Variants in RADIL observed in about 807,000 individuals in gnomAD.
RADIL encodes Rap associating with DIL domain.
Under a neutral mutation model 97.6 loss-of-function variants are expected in RADIL, and 99 were observed. The ratio of observed to expected loss-of-function variants is 1.01; its 90% CI spans 0.86 to 1.20. The LOEUF (loss-of-function observed/expected upper bound fraction) is 1.20, where lower values mean the gene tolerates loss of function less well. RADIL is among the 50% of genes most tolerant of loss of function. The pLI is 0.00. For missense variants in RADIL, 1,765 were observed against 1,498.9 expected (o/e 1.18, Z -2.93); for synonymous variants, 803 against 691.8 (o/e 1.16, Z -2.52).
At chr7:4,868,915 T>C (rs1408266030) in intron 2 of RADIL, among the ~76,000 whole-genome samples, 1 of 152,050 alleles carries the variant, frequency 6.6e-6, no homozygotes, top group Non-Finnish European at 1.5e-5. Context: ...TCATTTGAGG[T>C]CAGGAGTTCG....
chr7:4,798,395 T>C lies in RADIL; in HGVS notation c.*983A>G, dbSNP rs1264001765. The C allele has an allele frequency of 1.3e-5, 2 of 152,228 alleles. No homozygotes were observed. Among genetic ancestry groups the C allele is most frequent in the African/African-American group, 4.8e-5 (2 of 41,470 alleles). 9.4% of individuals were successfully genotyped at this position (152,228 alleles called of 1,614,324 possible). A position where few individuals can be genotyped will look rare whatever the true frequency, so the allele number is the denominator to read the frequency against. On this transcript the variant is annotated 3_prime_UTR_variant, in exon 15 of 15. Transcript: ENST00000399583. ...CAGTGAGAGGTGCATCTGCAACTGA[T>C]GCCGGGACCCTCTTCCCCAGGGTTT...
At chr7:4,866,931 G>A (rs1784144536) in intron 2 of RADIL, among the ~76,000 whole-genome samples, 1 of 152,158 alleles carries the variant, frequency 6.6e-6, no homozygotes, top group Admixed American at 6.5e-5. Context: ...AGAATGGATT[G>A]GTTTCCAAGA....
Position 4,799,161 on chromosome 7 carries a change from TA to T in RADIL, c.*216del. On this transcript the variant is annotated 3_prime_UTR_variant, in exon 15 of 15. Transcript: ENST00000399583. ...ACTTCTCCATTGAAGTCTTTAAACA[TA>T]AAAGCTCTGTAACAAACATCACAAT... 1 of 575,746 alleles carries T rather than the reference TA, an allele frequency of 1.7e-6. No homozygotes were observed. The highest frequency in any genetic ancestry group is 3.1e-6 in the Non-Finnish European group (1 of 321,356). 35.7% of individuals were successfully genotyped at this position (575,746 alleles called of 1,614,324 possible).
rs541456140 is a variant in RADIL, at chr7:4,828,871, G to A, written c.1454+3270C>T. 4.6e-5 allele frequency among the ~76,000 whole-genome samples: 7 copies of A among 151,452 alleles called. No homozygotes were observed. The South Asian group carries it at 8.4e-4, about 18-fold the overall frequency. On this transcript the variant is annotated intron_variant, in intron 5 of 14. Transcript: ENST00000399583. Reference sequence around the variant, plus strand: ...GGAGGGCCCGGGCCTTCCCGTCAACGAGGAAGCTGGGTCCACCCAGAGCTG... The same window carrying A: ...GGAGGGCCCGGGCCTTCCCGTCAACAAGGAAGCTGGGTCCACCCAGAGCTG...
rs1282269720 is a variant in RADIL, at chr7:4,879,624, G to A, written c.-64-1421C>T. ...AACACCGCAGCAGCCAACTGTCACT[G>A]TCCAGGCTTGACTCACTCGTCACGC... is the stretch of plus-strand genomic sequence containing the variant. On this transcript the variant is annotated intron_variant, in intron 1 of 14. Transcript: ENST00000399583. The surrounding 1 kb of genome is among the most constrained non-coding windows in gnomAD (Gnocchi z 4.1). Among the ~76,000 whole-genome samples the A allele has an allele frequency of 6.6e-6, 1 of 152,204 alleles. No homozygotes were observed. The highest frequency in any genetic ancestry group is 2.4e-5 in the African/African-American group (1 of 41,452).
chr7:4,857,159 C>T (rs541983161), intron 2 of RADIL, among the ~76,000 whole-genome samples: 1 of 152,324 alleles, frequency 6.6e-6, no homozygotes, highest in South Asian at 2.1e-4. Context: ...TTATTAGGTG[C>T]AGACAAGTTT....
At chr7:4,876,030 A>C (rs956048783) in intron 2 of RADIL, among the ~76,000 whole-genome samples, 3 of 152,014 alleles carry the variant, frequency 2.0e-5, no homozygotes, top group African/African-American at 7.2e-5. Context: ...ACAGGGTCTC[A>C]CTCTGTTGCC....
At chr7:4,838,924 C>T (rs1048849502) in intron 2 of RADIL, among the ~76,000 whole-genome samples, 2 of 152,218 alleles carry the variant, frequency 1.3e-5, no homozygotes, top group African/African-American at 2.4e-5. Flanking sequence ...CAGCAGGACC[C>T]GTGCACTCGT....
rs117943885 is a variant in RADIL at position 4,801,983 on chromosome 7, C to T, written c.2512G>A (p.Val838Met). Residue 838 changes from valine (V) to methionine (M), a missense_variant, in exon 12 of 15, where the codon GTG becomes ATG. Physicochemically the swap from Val to Met is conservative, Grantham distance 21. Transcript: ENST00000399583. ...GCCTCCAGGTGCCCGTCAAGGACCA[C>T]GTGGTGCATACCCTAGGGAGAGGAA... ...QPVCPEGMHH[V>M]VLDGHLEAPS... The T allele has an allele frequency of 0.021, 31,781 of 1,538,020 alleles. 429 individuals carry two copies. Among genetic ancestry groups the T allele is most frequent in the Middle Eastern group, 0.047 (244 of 5,240 alleles).
In RADIL at chr7:4,809,455, G is replaced by C. The variant is rs924997973; in HGVS notation, c.2140-3739C>G. On this transcript the variant is annotated intron_variant, in intron 9 of 14. Transcript: ENST00000399583. The stretch of plus-strand genomic sequence containing the variant: ...GAAACCACACATCTGACACGCACAA[G>C]CCAACGAATTTCCCCCGAGGAACAC... 5.1e-6 allele frequency: 5 copies of C among 985,288 alleles called. No homozygotes were observed. The Admixed American group carries it at 1.8e-4, about 36-fold the overall frequency. The allele number at this position is 985,288 out of a possible 1,614,324, so 61.0% of individuals were successfully genotyped here.
At chr7:4,836,809 G>A (rs954975285) in intron 2 of RADIL, among the ~76,000 whole-genome samples, 6 of 152,064 alleles carry the variant, frequency 3.9e-5, no homozygotes, top group African/African-American at 9.7e-5. Context: ...GTGGTGGTGC[G>A]CATCTGTAAT....
intron 5 of RADIL, among the ~76,000 whole-genome samples, chr7:4,823,292 C>G (rs1010683366): frequency 6.8e-6 from 1 of 147,424 alleles, no homozygotes; most frequent in Non-Finnish European, 1.5e-5. Context: ...GCCGTCTCTA[C>G]TAAAAATACA....
At chr7:4,881,247 C>G (rs1784479087) in intron 1 of RADIL, among the ~76,000 whole-genome samples, 1 of 146,080 alleles carries the variant, frequency 6.8e-6, no homozygotes, top group Non-Finnish European at 1.5e-5. Flanking sequence ...AACCCTTTTT[C>G]TACTAAAAAT....
chr7:4,834,274 G>A lies in RADIL; in HGVS notation c.1416+333C>T, dbSNP rs920033486. Among the ~76,000 whole-genome samples the A allele has an allele frequency of 6.6e-6, 1 of 152,132 alleles. No individual in the cohort carries two copies. The highest frequency in any genetic ancestry group is 1.5e-5 in the Non-Finnish European group (1 of 68,004). On this transcript the variant is annotated intron_variant, in intron 4 of 14. Transcript: ENST00000399583. The surrounding 1 kb of genome is among the most constrained non-coding windows in gnomAD (Gnocchi z 6.0). ...CTCGGCCTCGTGGTGCCCAGGCTCA[G>A]GGGCAGCTCACTCCTGGCACGTGAC...
intron 12 of RADIL, 83 bp from the exon 13 acceptor site, chr7:4,800,393 C>T (rs1782042527): frequency 1.5e-6 from 2 of 1,347,992 alleles, no homozygotes; most frequent in Non-Finnish European, 9.6e-7. Flanking sequence ...CTGGCTGCCT[C>T]TGTAGGGCGT....
At chr7:4,809,827 G>A (rs1168997384) in intron 9 of RADIL, among the ~76,000 whole-genome samples, 2 of 151,742 alleles carry the variant, frequency 1.3e-5, no homozygotes, top group Non-Finnish European at 2.9e-5. Flanking sequence ...GCTAATTTTT[G>A]TATTTTTACA....
At chr7:4,827,463 C>T (rs527616311) in intron 5 of RADIL, among the ~76,000 whole-genome samples, 1 of 151,404 alleles carries the variant, frequency 6.6e-6, no homozygotes, top group East Asian at 1.9e-4. Flanking sequence ...CGATCAAGAC[C>T]ATCCTGGCTA....
chr7:4,855,359 T>C (rs117764829), intron 2 of RADIL, among the ~76,000 whole-genome samples: 2,690 of 151,998 alleles, frequency 0.018, 35 homozygotes, highest in South Asian at 0.043. Context: ...ACGGCTGTGG[T>C]CCCACAGACT....
chr7:4,841,090 C>A (rs1467949071), intron 2 of RADIL, among the ~76,000 whole-genome samples: 1 of 152,236 alleles, frequency 6.6e-6, no homozygotes, highest in Non-Finnish European at 1.5e-5. Context: ...GGAAGTTATT[C>A]ATCTTAAATA....
Sources: allele counts gnomAD v4.1 joint callset (sites outside exome capture counted in the v4.1 genomes callset), GRCh38; gene constraint gnomAD v4.1.1; non-coding constraint Gnocchi (gnomAD v3.1); transcripts MANE v1.5; gene names NCBI Gene and HGNC (gene_info 2026-07-23, HGNC 2026-07-21).